The following BANK1 variants were observed in gnomAD, a reference collection of about 807,000 sequenced individuals.
BANK1 encodes the protein B-cell scaffold protein with ankyrin repeats.
Under a neutral mutation model 94.5 loss-of-function variants are expected in BANK1, and 95 were observed. That is an observed-to-expected ratio of 1.00 (90% CI 0.85 to 1.19). The LOEUF (loss-of-function observed/expected upper bound fraction) is 1.19, where lower values mean the gene tolerates loss of function less well. Among genes scored for constraint, BANK1 ranks in the 50% most tolerant of loss-of-function variants. The pLI is 0.00. For missense variants in BANK1, 987 were observed against 932.2 expected (o/e 1.06, Z -0.77); for synonymous variants, 334 against 308.4 (o/e 1.08, Z -0.87).
intron 5 of BANK1, among the ~76,000 whole-genome samples, chr4:101,880,456 C>T (rs1425871431): frequency 6.6e-6 from 1 of 151,936 alleles, no homozygotes. Context: ...AAAGACAGTT[C>T]ATGCTCATGG....
chr4:101,888,861 C>T (rs957138128), intron 5 of BANK1, among the ~76,000 whole-genome samples: 1 of 152,182 alleles, frequency 6.6e-6, no homozygotes, highest in Non-Finnish European at 1.5e-5. Context: ...ATCTGAAATA[C>T]TTCCCAGCTA....
At chr4:101,874,225 A>C (rs542628754) in intron 5 of BANK1, among the ~76,000 whole-genome samples, 1 of 152,262 alleles carries the variant, frequency 6.6e-6, no homozygotes, top group South Asian at 2.1e-4. Flanking sequence ...CAAATATTTG[A>C]TACAATGTAA....
chr4:101,841,715 G>A (rs2148868023), intron 2 of BANK1, among the ~76,000 whole-genome samples: 1 of 151,478 alleles, frequency 6.6e-6, no homozygotes, highest in East Asian at 1.9e-4. Flanking sequence ...ATGCTGGTGT[G>A]CTGCACCCAC....
chr4:101,992,385 G>A (rs1229001720), intron 7 of BANK1, among the ~76,000 whole-genome samples: 1 of 152,082 alleles, frequency 6.6e-6, no homozygotes, highest in Non-Finnish European at 1.5e-5. Flanking sequence ...ACAAAATCAT[G>A]GCATAGGAAA....
chr4:102,057,755 G>T (rs1728279671), intron 11 of BANK1, among the ~76,000 whole-genome samples: 1 of 152,040 alleles, frequency 6.6e-6, no homozygotes, highest in African/African-American at 2.4e-5. Context: ...CTTACAGCAT[G>T]GTATATCTGG....
At chr4:101,976,876 A>G (rs1053971240) in intron 7 of BANK1, 3 of 152,172 alleles carry the variant, frequency 2.0e-5, no homozygotes, top group Non-Finnish European at 4.4e-5. Flanking sequence ...CTTACGGTGG[A>G]ATATTCAGGT....
chr4:101,922,055 T>TGTGTGA (rs1491163025), intron 7 of BANK1, among the ~76,000 whole-genome samples: 85 of 144,364 alleles, frequency 5.9e-4, no homozygotes, highest in African/African-American at 2.1e-3. Context: ...TGTGTGTGTG[T>TGTGTGA]GAGACAGAGA....
At chr4:101,948,314 T>G (rs1316757773) in intron 7 of BANK1, among the ~76,000 whole-genome samples, 1 of 152,096 alleles carries the variant, frequency 6.6e-6, no homozygotes, top group African/African-American at 2.4e-5. Context: ...CAGATGTTAT[T>G]TCCCTGGCCT....
At chr4:101,812,934 A>G (rs529640116) in intron 1 of BANK1, among the ~76,000 whole-genome samples, 3 of 152,256 alleles carry the variant, frequency 2.0e-5, no homozygotes, top group African/African-American at 7.2e-5. Context: ...GAATTTTCCT[A>G]ATATGACACC....
chr4:101,807,637 A>G (rs556370691), intron 1 of BANK1, among the ~76,000 whole-genome samples: 8 of 152,332 alleles, frequency 5.3e-5, no homozygotes, highest in African/African-American at 1.9e-4. Flanking sequence ...GTCAGGCACT[A>G]TGATAAATGC....
rs369988317 is a variant in BANK1, at chr4:101,936,379, A to G, written c.1206+18190A>G. ...TACATACATGCATATATGTGTGCAT[A>G]CATGCATACATGCATGTATATATGT... On this transcript the variant is annotated intron_variant, in intron 7 of 16. Coordinates refer to ENST00000322953, the MANE Select transcript of BANK1 (RefSeq NM_017935.5). 3.1e-4 allele frequency among the ~76,000 whole-genome samples: 46 copies of G among 150,252 alleles called. No individual in the cohort carries two copies. The South Asian group carries it at 7.8e-3, about 25-fold the overall frequency.
At chr4:101,969,115 A>G (rs1724863981) in intron 7 of BANK1, among the ~76,000 whole-genome samples, 1 of 152,094 alleles carries the variant, frequency 6.6e-6, no homozygotes, top group South Asian at 2.1e-4. Context: ...TGTATTTGAT[A>G]AAGATTGGAT....
intron 6 of BANK1, among the ~76,000 whole-genome samples, chr4:101,896,194 A>AT (rs143692212): frequency 1.3e-5 from 2 of 151,426 alleles, no homozygotes; most frequent in Middle Eastern, 3.2e-3. Context: ...ATATTTTAGA[A>AT]TTTTTTTTTG....
intron 1 of BANK1, among the ~76,000 whole-genome samples, chr4:101,793,201 C>T (rs1414304963): frequency 1.3e-5 from 2 of 152,164 alleles, no homozygotes; most frequent in Non-Finnish European, 2.9e-5. Context: ...GATGCTTATA[C>T]TTGTAAGGAA....
At chr4:101,875,443 T>A (rs1200396608) in intron 5 of BANK1, among the ~76,000 whole-genome samples, 1 of 151,974 alleles carries the variant, frequency 6.6e-6, no homozygotes, top group Non-Finnish European at 1.5e-5. Flanking sequence ...AAACTTACAA[T>A]CATGGTGGAA....
intron 10 of BANK1, among the ~76,000 whole-genome samples, chr4:102,041,811 GA>G (rs1727713023): frequency 6.6e-6 from 1 of 151,928 alleles, no homozygotes; most frequent in Non-Finnish European, 1.5e-5. Flanking sequence ...GTAACTGAAA[GA>G]CAGCATTTAT....
At chr4:102,054,178 A>C (rs570584863) in intron 11 of BANK1, among the ~76,000 whole-genome samples, 1 of 146,264 alleles carries the variant, frequency 6.8e-6, no homozygotes, top group South Asian at 2.1e-4. Flanking sequence ...AAATGGATTG[A>C]TTATTTGTAA....
At chr4:101,954,182 A>G (rs1447739111) in intron 7 of BANK1, among the ~76,000 whole-genome samples, 2 of 152,132 alleles carry the variant, frequency 1.3e-5, no homozygotes, top group African/African-American at 2.4e-5. Context: ...TTAAAAGGAC[A>G]TCAGTCAATG....
intron 7 of BANK1, among the ~76,000 whole-genome samples, chr4:101,938,203 G>A (rs1374372783): frequency 7.3e-5 from 11 of 151,472 alleles, no homozygotes; most frequent in South Asian, 4.2e-4. Flanking sequence ...AAACCTGCAC[G>A]TTCTGCACAC....
Sources: allele counts gnomAD v4.1 joint callset (sites outside exome capture counted in the v4.1 genomes callset), GRCh38; gene constraint gnomAD v4.1.1; transcripts MANE v1.5; gene names NCBI Gene and HGNC (gene_info 2026-07-23, HGNC 2026-07-21).